FDFT1: variants seen among roughly 807,000 people sequenced by gnomAD.
FDFT1 encodes squalene synthase.
FDFT1 carries 68 observed loss-of-function variants against 46.8 expected under a neutral mutation model. That is an observed-to-expected ratio of 1.45 (90% CI 1.19 to 1.78). The LOEUF (loss-of-function observed/expected upper bound fraction) is 1.78, where lower values mean the gene tolerates loss of function less well. Ranked by LOEUF, FDFT1 falls within the 40% of genes most tolerant of loss-of-function variation. The pLI is 0.00. For missense variants in FDFT1, 928 were observed against 524.4 expected (o/e 1.77, Z -7.52); for synonymous variants, 351 against 185.1 (o/e 1.90, Z -7.28).
At chr8:11,831,701 T>G in intron 7 of FDFT1, 31 bp downstream of exon 7, 1 of 1,570,244 alleles carries the variant, frequency 6.4e-7, no homozygotes, top group Non-Finnish European at 8.8e-7. Flanking sequence ...TTGGATAATT[T>G]GTAGCTACTT....
intron 3 of FDFT1, among the ~76,000 whole-genome samples, chr8:11,819,057 A>G (rs539491615): frequency 6.5e-4 from 99 of 152,290 alleles, no homozygotes; most frequent in Middle Eastern, 6.8e-3. Context: ...GGTGGTGACA[A>G]AATCTCTGAG....
At chr8:11,819,906 T>G (rs577774759) in intron 3 of FDFT1, among the ~76,000 whole-genome samples, 1 of 152,200 alleles carries the variant, frequency 6.6e-6, no homozygotes, top group African/African-American at 2.4e-5. Context: ...GGAGTTACGT[T>G]CCTTTGGAGG....
chr8:11,821,103 A>C (rs1246562609), intron 3 of FDFT1, among the ~76,000 whole-genome samples: 1 of 152,180 alleles, frequency 6.6e-6, no homozygotes, highest in South Asian at 2.1e-4. Context: ...TGTTTGCACA[A>C]ATGAATCTTT....
At chr8:11,801,314 T>C (rs557729991), upstream of FDFT1, among the ~76,000 whole-genome samples, 2 of 152,352 alleles carry the variant, frequency 1.3e-5, no homozygotes, top group African/African-American at 4.8e-5. Flanking sequence ...TGAACGTACC[T>C]GACAGGTTTC....
Position 11,831,565 on chromosome 8 carries a change from GTTCA to G in FDFT1, c.928_931del (p.Phe310LysfsTer4), listed in dbSNP as rs761021144. Reference sequence around the variant, plus strand: ...CTGCCTGTTATAATAACCAGCAGGTGTTCAAAGGGGCAGTGAAGATTCGGAAAGG... The same window carrying G: ...CTGCCTGTTATAATAACCAGCAGGTGAAGGGGCAGTGAAGATTCGGAAAGG... On this transcript the variant is annotated frameshift_variant, in exon 7 of 8. Transcript: ENST00000220584. LOFTEE classifies it high-confidence loss of function. 1.2e-6 allele frequency: 2 copies of G among 1,614,124 alleles called. No individual in the cohort carries two copies. Among genetic ancestry groups the G allele is most frequent in the South Asian group, 2.2e-5 (2 of 91,074 alleles).
upstream of FDFT1, chr8:11,802,477 C>T: frequency 2.1e-6 from 1 of 477,176 alleles, no homozygotes; most frequent in South Asian, 1.5e-5. Flanking sequence ...AAAACAAAGG[C>T]CCGGCTCCAT....
At chr8:11,818,866 A>G (rs1467445979) in intron 3 of FDFT1, among the ~76,000 whole-genome samples, 2 of 152,228 alleles carry the variant, frequency 1.3e-5, no homozygotes, top group Admixed American at 6.5e-5. Flanking sequence ...TAAGGTTAAT[A>G]TTGTTATGTT....
rs1809012604 is a variant in FDFT1 at position 11,820,107 on chromosome 8, G to A, written c.382-1643G>A. ...TCCTTCTAACAGAGGCCCGTCAGCTGCAGGTCTGTTGGAGTTGCTGGAGGT... is the reference window on the plus strand; with the variant it reads ...TCCTTCTAACAGAGGCCCGTCAGCTACAGGTCTGTTGGAGTTGCTGGAGGT... On this transcript the variant is annotated intron_variant, in intron 3 of 7. Transcript: ENST00000220584. Among the ~76,000 whole-genome samples the A allele has an allele frequency of 2.0e-5, 3 of 152,306 alleles. No homozygotes were observed. In the South Asian group the frequency reaches 6.2e-4, roughly 32 times the overall value.
intron 1 of FDFT1, 141 bp from the exon 2 acceptor site, chr8:11,808,653 C>T (rs1425965656): frequency 1.4e-6 from 2 of 1,431,090 alleles, no homozygotes; most frequent in South Asian, 1.5e-5. Flanking sequence ...TGCCGCCTGG[C>T]CCTGCAAGGA....
upstream of FDFT1, chr8:11,801,679 C>A (rs1054878918): frequency 3.3e-5 from 10 of 301,154 alleles, no homozygotes; most frequent in African/African-American, 1.7e-4. Flanking sequence ...TGCAGGATGG[C>A]TTAGGTAGCC....
chr8:11,801,695 GT>G (rs34528992), upstream of FDFT1: 129,500 of 241,110 alleles, frequency 0.54, 27,649 homozygotes, highest in Admixed American at 0.6. Context: ...TAGCCAGTAG[GT>G]TTTTTTTTTT....
At chr8:11,814,488 C>T (rs142596706) in intron 3 of FDFT1, among the ~76,000 whole-genome samples, 2 of 152,206 alleles carry the variant, frequency 1.3e-5, no homozygotes, top group East Asian at 3.9e-4. Flanking sequence ...AGGTATATTG[C>T]ATACTTTCAA....
chr8:11,828,749 A>G (rs1330061599), intron 5 of FDFT1, among the ~76,000 whole-genome samples: 1 of 152,254 alleles, frequency 6.6e-6, no homozygotes, highest in East Asian at 1.9e-4. Flanking sequence ...ATTTCGTAGT[A>G]GTTGAATCAT....
Position 11,838,494 on chromosome 8 carries a change from G to A in FDFT1, c.1139G>A (p.Ser380Asn). 6.2e-7 allele frequency: 1 copy of A among 1,606,518 alleles called. No individual in the cohort carries two copies. The highest frequency in any genetic ancestry group is 8.5e-7 in the Non-Finnish European group (1 of 1,175,298). The change falls in exon 8 of 8, where the codon AGC becomes AAC. Residue 380 changes from serine to asparagine, a missense_variant. Transcript: ENST00000220584. ...CCCAACTGTCAGCTGATTTCCCGAA[G>A]CCACTACTCCCCCATCTACCTGTCG... ...NLPNCQLISRSHYSPIYLSFV... is the reference protein window; with the variant it reads ...NLPNCQLISRNHYSPIYLSFV...
intron 1 of FDFT1, among the ~76,000 whole-genome samples, chr8:11,804,683 T>G (rs1806593049): frequency 1.4e-5 from 2 of 140,954 alleles, no homozygotes; most frequent in Admixed American, 1.6e-4. Flanking sequence ...CTCAGCTAGA[T>G]GCAGCCTCCG....
At position 11,838,409 on chromosome 8, in the gene FDFT1, T is replaced by C. The variant is rs780359576; in HGVS notation, c.1054T>C (p.Ser352Pro). ...ACAGATTTATCATAGAATCCCCGAC[T>C]CAGACCCATCTTCTAGCAAAACAAG... ...MEEIYHRIPD[S>P]DPSSSKTRQI... Residue 352 changes from serine (S) to proline (P), a missense_variant, in exon 8 of 8, where the codon TCA (serine) becomes CCA (proline). Ser to Pro is a moderately conservative substitution (Grantham distance 74). Transcript: ENST00000220584. 1.2e-6 allele frequency: 2 copies of C among 1,613,702 alleles called. No homozygotes were observed. Among genetic ancestry groups the C allele is most frequent in the South Asian group, 1.1e-5 (1 of 91,042 alleles).
At chr8:11,821,284 A>G (rs1244048386) in intron 3 of FDFT1, among the ~76,000 whole-genome samples, 1 of 152,240 alleles carries the variant, frequency 6.6e-6, no homozygotes, top group African/African-American at 2.4e-5. Context: ...AATATTTATG[A>G]AATTTATGAA....
chr8:11,818,566 T>G (rs1808786175), intron 3 of FDFT1, among the ~76,000 whole-genome samples: 1 of 152,238 alleles, frequency 6.6e-6, no homozygotes, highest in Admixed American at 6.5e-5. Flanking sequence ...ACATATATGT[T>G]TAAGATAGTT....
chr8:11,809,282 A>C (rs7845951), intron 2 of FDFT1: 32,060 of 1,097,806 alleles, frequency 0.029, 528 homozygotes, highest in South Asian at 0.045. Flanking sequence ...AACTTAGACC[A>C]GTTGCCTTTA....
Sources: allele counts gnomAD v4.1 joint callset (sites outside exome capture counted in the v4.1 genomes callset), GRCh38; gene constraint gnomAD v4.1.1; transcripts MANE v1.5; gene names NCBI Gene and HGNC (gene_info 2026-07-23, HGNC 2026-07-21).